The following GCLC variants were observed in gnomAD, a reference collection of about 807,000 sequenced individuals.
GCLC encodes the protein glutamate-cysteine ligase catalytic subunit.
Under a neutral mutation model 81.5 loss-of-function variants are expected in GCLC, and 30 were observed. The observed-to-expected ratio is 0.37, with a 90% CI of 0.28 to 0.50. The LOEUF (loss-of-function observed/expected upper bound fraction) is 0.50, where lower values mean the gene tolerates loss of function less well. Among genes scored for constraint, GCLC ranks in the 20% least tolerant of loss-of-function variants. The pLI, the probability that GCLC is intolerant of heterozygous loss-of-function variation, is 0.96. For missense variants in GCLC, 556 were observed against 777.4 expected, an observed-to-expected ratio of 0.72 and a Z score of 3.39; for synonymous variants, 262 against 273.3, an observed-to-expected ratio of 0.96 and a Z score of 0.41.
chr6:53,543,167 C>A (rs1228924566), intron 1 of GCLC, among the ~76,000 whole-genome samples: 1 of 152,172 alleles, frequency 6.6e-6, no homozygotes, highest in African/African-American at 2.4e-5. Flanking sequence ...TCTAGGAAAA[C>A]AGAGGTGAAC....
chr6:53,505,839 T>C lies in GCLC; in HGVS notation c.1254A>G (p.Ser418=), dbSNP rs759216504. Residue 418 remains serine (S), a synonymous_variant, in exon 11 of 16, where the codon TCA becomes TCG. Transcript: ENST00000650454. ...GAAATTCTACTCTCCATCCAATGTCTGAGTTTGGAGGAGGGGGCTTAAATC... is the reference window on the plus strand; with the variant it reads ...GAAATTCTACTCTCCATCCAATGTCCGAGTTTGGAGGAGGGGGCTTAAATC... ...TMRFKPPPPN[S]DIGWRVEFRP... is the part of the protein sequence containing the mutation. 6.2e-7 allele frequency: 1 copy of C among 1,610,504 alleles called. No homozygotes were observed. Among genetic ancestry groups the C allele is most frequent in the Non-Finnish European group, 8.5e-7 (1 of 1,176,722 alleles).
chr6:53,538,134 TCC>T (rs367776488), intron 1 of GCLC, among the ~76,000 whole-genome samples: 3 of 138,090 alleles, frequency 2.2e-5, no homozygotes, highest in Admixed American at 8.2e-5. Context: ...CTTTTTTCTT[TCC>T]TTTTTTTTTT....
intron 1 of GCLC, among the ~76,000 whole-genome samples, chr6:53,544,006 A>G (rs181135967): frequency 2.6e-5 from 4 of 152,312 alleles, no homozygotes; most frequent in Admixed American, 6.5e-5. Flanking sequence ...GAGAAGTTGG[A>G]GAGGTTTAAG....
chr6:53,544,373 G>C, intron 1 of GCLC, 123 bp downstream of exon 1: 1 of 991,822 alleles, frequency 1.0e-6, no homozygotes. Context: ...GGAGGCGCTC[G>C]AGGACCCCCG....
chr6:53,525,716 A>T (rs1158040987), intron 1 of GCLC, among the ~76,000 whole-genome samples: 1 of 152,188 alleles, frequency 6.6e-6, no homozygotes, highest in Admixed American at 6.5e-5. Flanking sequence ...GAGCATTATA[A>T]ATGGGTTGCA....
chr6:53,513,873 T>C (rs1037878309), intron 6 of GCLC: 3 of 301,648 alleles, frequency 9.9e-6, no homozygotes, highest in Non-Finnish European at 1.9e-5. Context: ...CACTAGCCTG[T>C]CACGAGATGG....
chr6:53,529,584 A>G (rs1412687592), intron 1 of GCLC, among the ~76,000 whole-genome samples: 2 of 152,240 alleles, frequency 1.3e-5, no homozygotes, highest in African/African-American at 4.8e-5. Context: ...CTCTTAAAGA[A>G]ACAACATTGT....
Position 53,544,476 on chromosome 6 carries a change from CG to C in GCLC, c.150+19del, listed in dbSNP as rs780041543. The C allele has an allele frequency of 3.1e-6, 5 of 1,604,064 alleles. No individual in the cohort carries two copies. In the Admixed American group the frequency reaches 8.3e-5, roughly 27 times the overall value. ...GCCAGACACGGGTGCCCGGCGGGGA[CG>C]GGGACCGCGGGCGCTCACCTCATCG... On this transcript the variant is annotated intron_variant, in intron 1 of 15. Coordinates refer to ENST00000650454, the MANE Select transcript of GCLC (RefSeq NM_001498.4).
At chr6:53,510,186 G>A (rs555804584) in intron 6 of GCLC, 2 of 152,154 alleles carry the variant, frequency 1.3e-5, no homozygotes, top group Non-Finnish European at 2.9e-5. Context: ...AGATAAAGAG[G>A]TGTCATGACA....
intron 1 of GCLC, 150 bp downstream of exon 1, chr6:53,544,346 C>A: frequency 1.4e-6 from 1 of 705,162 alleles, no homozygotes; most frequent in Non-Finnish European, 2.4e-6. Context: ...AAAGCAGGGA[C>A]GATGCTCCCG....
At chr6:53,514,036 T>G in intron 6 of GCLC, 168 bp downstream of exon 6, 1 of 653,582 alleles carries the variant, frequency 1.5e-6, no homozygotes, top group Non-Finnish European at 2.7e-6. Context: ...CATAGACAGC[T>G]TCCAATGAAT....
intron 6 of GCLC, among the ~76,000 whole-genome samples, chr6:53,512,331 C>T (rs910287755): frequency 1.3e-5 from 2 of 151,940 alleles, no homozygotes; most frequent in Admixed American, 6.5e-5. Flanking sequence ...TTGCTTTATA[C>T]AGTAAGTCTT....
At chr6:53,537,479 G>GTGTC (rs1232649784) in intron 1 of GCLC, among the ~76,000 whole-genome samples, 1 of 152,178 alleles carries the variant, frequency 6.6e-6, no homozygotes, top group Non-Finnish European at 1.5e-5. Context: ...GCCTGAGCCT[G>GTGTC]TGTCAATGCG....
At chr6:53,518,378 G>A (rs1391093287) in intron 3 of GCLC, among the ~76,000 whole-genome samples, 4 of 152,150 alleles carry the variant, frequency 2.6e-5, no homozygotes, top group African/African-American at 9.7e-5. Context: ...AGCCTCCGGA[G>A]TAGCTGGGAT....
At chr6:53,521,948 C>T (rs569548776) in intron 2 of GCLC, among the ~76,000 whole-genome samples, 10 of 151,990 alleles carry the variant, frequency 6.6e-5, no homozygotes, top group Non-Finnish European at 1.5e-4. Context: ...CACTCCAGCC[C>T]GGACGACAGA....
intron 12 of GCLC, among the ~76,000 whole-genome samples, chr6:53,504,815 G>C (rs952013084): frequency 6.6e-6 from 1 of 152,084 alleles, no homozygotes; most frequent in Admixed American, 6.6e-5. Flanking sequence ...CTGCGGCAGG[G>C]CCCTCTCTAT....
chr6:53,544,857 C>T lies in GCLC; in HGVS notation c.-212G>A, dbSNP rs1763424119. Reference sequence around the variant, plus strand: ...CAGGTGACAGACCCTGGGTCCGACGCACCGCGCGGAGGCGAAGGCAGAAGA... The same window carrying T: ...CAGGTGACAGACCCTGGGTCCGACGTACCGCGCGGAGGCGAAGGCAGAAGA... On this transcript the variant is annotated 5_prime_UTR_variant, in exon 1 of 16. Coordinates refer to ENST00000650454, the MANE Select transcript of GCLC (RefSeq NM_001498.4). The T allele has an allele frequency of 2.4e-6, 1 of 422,744 alleles. No individual in the cohort carries two copies. The allele number at this position is 422,744 out of a possible 1,614,324, so 26.2% of individuals were successfully genotyped here.
chr6:53,542,364 T>C (rs1273900114), intron 1 of GCLC, among the ~76,000 whole-genome samples: 1 of 152,160 alleles, frequency 6.6e-6, no homozygotes, highest in East Asian at 1.9e-4. Context: ...AATCTCTCCA[T>C]GAAAGCCTGT....
Position 53,507,025 on chromosome 6 carries a change from C to A in GCLC, c.1085G>T (p.Gly362Val). 6.4e-7 allele frequency: 1 copy of A among 1,554,020 alleles called. No individual in the cohort carries two copies. The highest frequency in any genetic ancestry group is 8.9e-7 in the Non-Finnish European group (1 of 1,125,296). ...KEIYEQLLQEGIDHLLAQHVA... is the reference protein window; with the variant it reads ...KEIYEQLLQEVIDHLLAQHVA... ...ATGCTGGGCCAGGAGATGATCAATG[C>A]CTGCAAAAAGAGATCACATGGGAAC... The change falls in exon 10 of 16, where the codon GGC becomes GTC. Residue 362 changes from glycine to valine, a missense_variant and splice_region_variant. Gly to Val is a moderately radical substitution (Grantham distance 109, BLOSUM62 -3). Coordinates refer to ENST00000650454, the MANE Select transcript of GCLC (RefSeq NM_001498.4).
Sources: gnomAD v4.1 joint callset for allele counts (sites outside exome capture counted in the v4.1 genomes callset) on GRCh38, gnomAD v4.1.1 for gene constraint, MANE v1.5 for transcripts, NCBI Gene and HGNC (gene_info 2026-07-23, HGNC 2026-07-21) for gene names.